The following KALRN variants were observed in gnomAD, a reference collection of about 807,000 sequenced individuals.
The protein encoded by KALRN is kalirin.
KALRN carries 70 observed loss-of-function variants against 353.7 expected under a neutral mutation model. The ratio of observed to expected loss-of-function variants is 0.20; its 90% CI spans 0.16 to 0.24. The LOEUF (loss-of-function observed/expected upper bound fraction) is 0.24. Among genes scored for constraint, KALRN ranks in the 10% least tolerant of loss-of-function variants. The pLI is 1.00. For missense variants in KALRN, 2,791 were observed against 3,756.7 expected (o/e 0.74, Z 6.72); for synonymous variants, 1,391 against 1,434.8 (o/e 0.97, Z 0.69).
chr3:124,469,584 T>C (rs550863748), intron 25 of KALRN, among the ~76,000 whole-genome samples: 61 of 152,178 alleles, frequency 4.0e-4, no homozygotes, highest in Non-Finnish European at 8.1e-4. Flanking sequence ...ATGAAGGCAG[T>C]TACCCAGCCT....
chr3:124,719,949 TA>T lies in KALRN; in HGVS notation c.*481del, dbSNP rs2063320264. 1.3e-5 allele frequency: 2 copies of T among 155,900 alleles called. No individual in the cohort carries two copies. Among genetic ancestry groups the T allele is most frequent in the Non-Finnish European group, 2.8e-5 (2 of 70,200 alleles). 9.7% of individuals were successfully genotyped at this position (155,900 alleles called of 1,614,324 possible). ...ATAGGATAGATACCCACATACAGTA[TA>T]ATATATCCCATTCAGGTTTCAGAGT... On this transcript the variant is annotated 3_prime_UTR_variant, in exon 60 of 60. Coordinates refer to ENST00000682506, the MANE Select transcript of KALRN (RefSeq NM_001388419.1). This position sits in a 1 kb window ranked among gnomAD's most constrained non-coding sequence, Gnocchi z 5.3.
At chr3:124,214,566 C>T (rs1417972160) in intron 1 of KALRN, among the ~76,000 whole-genome samples, 1 of 152,194 alleles carries the variant, frequency 6.6e-6, no homozygotes, top group Admixed American at 6.5e-5. Flanking sequence ...GATATCCCAG[C>T]CTCCTAGAGG....
Position 124,268,975 on chromosome 3 carries a change from A to G in KALRN, c.689A>G (p.Asp230Gly). Residue 230 changes from aspartate to glycine, a missense_variant, in exon 5 of 60, where the codon GAC (aspartate) becomes GGC (glycine). Around this residue, in one of 11 missense-constraint regions of KALRN, gnomAD observed 366 missense variants for 489.2 expected, o/e 0.75. Transcript: ENST00000682506. ...GTGGAGGGCTCTCGGCGGCTCATTG[A>G]CGAACACACACAGCTCAAGAAAAAG... ...VDVEGSRRLIDEHTQLKKKVL... is the reference protein window; with the variant it reads ...VDVEGSRRLIGEHTQLKKKVL... 1 of 1,614,098 alleles carries G rather than the reference A, an allele frequency of 6.2e-7. No homozygotes were observed. The highest frequency in any genetic ancestry group is 8.5e-7 in the Non-Finnish European group (1 of 1,180,002).
intron 1 of KALRN, chr3:124,100,502 CA>C (rs1037184896): frequency 3.9e-5 from 6 of 152,158 alleles, no homozygotes; most frequent in African/African-American, 1.4e-4. Context: ...TCACCCTATA[CA>C]AAAATCAGCT....
chr3:124,055,808 G>A (rs2041478106), intron 1 of KALRN, among the ~76,000 whole-genome samples: 4 of 152,232 alleles, frequency 2.6e-5, no homozygotes, highest in African/African-American at 9.6e-5. Flanking sequence ...TACAGAGGAT[G>A]AGGGCAATCG....
At chr3:124,081,268 C>G (rs1371446264) in intron 1 of KALRN, among the ~76,000 whole-genome samples, 2 of 152,124 alleles carry the variant, frequency 1.3e-5, no homozygotes, top group African/African-American at 4.8e-5. Context: ...GTTTATGTAC[C>G]TCCATGCAAG....
intron 55 of KALRN, 26 bp from the exon 56 acceptor site, chr3:124,699,843 C>G: frequency 6.2e-7 from 1 of 1,612,216 alleles, no homozygotes; most frequent in African/African-American, 1.3e-5. Flanking sequence ...TTTTCTCTTT[C>G]CCTCTCCTGG....
At chr3:124,707,429 CCTTCCTTCCTTCCTTCCCTCCT>C (rs2062683026) in intron 57 of KALRN, among the ~76,000 whole-genome samples, 1 of 150,806 alleles carries the variant, frequency 6.6e-6, no homozygotes, top group Non-Finnish European at 1.5e-5. Flanking sequence ...TTCCTTCCTT[CCTTCCTTCCTTCCTTCCCTCCT>C]TCCTTCCTTC....
At chr3:124,240,246 C>T (rs2080270184) in intron 3 of KALRN, among the ~76,000 whole-genome samples, 1 of 152,180 alleles carries the variant, frequency 6.6e-6, no homozygotes, top group Non-Finnish European at 1.5e-5. Flanking sequence ...TCAGCTTTTG[C>T]AGCAAAGGAT....
chr3:124,097,454 G>A (rs1012519421), intron 1 of KALRN, among the ~76,000 whole-genome samples: 1 of 152,168 alleles, frequency 6.6e-6, no homozygotes, highest in African/African-American at 2.4e-5. Flanking sequence ...GAAAGTAACA[G>A]GCCTCAAGAA....
At position 124,066,768 on chromosome 3, in the gene KALRN, C is replaced by T. The variant is rs536311639; in HGVS notation, c.73+32955C>T. ...TCTAGGTCAGCCTTGGGCACTCAGC[C>T]GGCTGGAGAAGGACAGAGGGTGTGC... On this transcript the variant is annotated intron_variant, in intron 1 of 59. Coordinates refer to ENST00000682506, the MANE Select transcript of KALRN (RefSeq NM_001388419.1). Among the ~76,000 whole-genome samples the T allele has an allele frequency of 2.7e-4, 41 of 152,258 alleles. 1 individual carries two copies. The highest frequency in any genetic ancestry group is 5.2e-4 in the Admixed American group (8 of 15,298).
intron 6 of KALRN, among the ~76,000 whole-genome samples, chr3:124,300,377 A>G (rs1046274755): frequency 2.0e-5 from 3 of 152,170 alleles, no homozygotes; most frequent in Admixed American, 1.3e-4. Flanking sequence ...CCTACCACAC[A>G]CCCATCCCTA....
intron 1 of KALRN, among the ~76,000 whole-genome samples, chr3:124,039,582 C>G (rs1050592447): frequency 6.6e-6 from 1 of 152,052 alleles, no homozygotes; most frequent in African/African-American, 2.4e-5. Context: ...AATAATAACC[C>G]CATCACATCT....
At chr3:124,381,240 G>C (rs192155356) in intron 10 of KALRN, among the ~76,000 whole-genome samples, 1 of 152,178 alleles carries the variant, frequency 6.6e-6, no homozygotes. Context: ...GTGAAGGGAA[G>C]GGCATCTCAG....
intron 1 of KALRN, among the ~76,000 whole-genome samples, chr3:124,046,069 T>C (rs1331177393): frequency 1.3e-5 from 2 of 152,222 alleles, no homozygotes; most frequent in African/African-American, 4.8e-5. Flanking sequence ...TTTTGTGAAA[T>C]CTTAATGAGC....
chr3:124,399,256 A>C (rs981412930), intron 13 of KALRN, among the ~76,000 whole-genome samples: 1 of 152,160 alleles, frequency 6.6e-6, no homozygotes, highest in Non-Finnish European at 1.5e-5. Flanking sequence ...CTTCTGCCTC[A>C]GCCTCCCGAA....
chr3:124,344,222 G>T (rs996545269), intron 9 of KALRN, among the ~76,000 whole-genome samples: 4 of 152,214 alleles, frequency 2.6e-5, no homozygotes. Flanking sequence ...TTTAACCATT[G>T]ATGTTCAGAT....
intron 1 of KALRN, among the ~76,000 whole-genome samples, chr3:124,063,985 C>T (rs2042160393): frequency 6.6e-6 from 1 of 152,126 alleles, no homozygotes. Flanking sequence ...CACTTTAGTG[C>T]CACTAACAAG....
At chr3:124,377,101 C>T (rs950199140) in intron 10 of KALRN, among the ~76,000 whole-genome samples, 8 of 152,142 alleles carry the variant, frequency 5.3e-5, no homozygotes, top group Non-Finnish European at 7.4e-5. Context: ...TAGAGAGACT[C>T]GGCTTGCCAT....
Sources: allele counts gnomAD v4.1 joint callset (sites outside exome capture counted in the v4.1 genomes callset), GRCh38; gene constraint gnomAD v4.1.1; regional missense constraint gnomAD v4.1.1; non-coding constraint Gnocchi (gnomAD v3.1); transcripts MANE v1.5; gene names NCBI Gene and HGNC (gene_info 2026-07-23, HGNC 2026-07-21).